Variants in PPP1R12A observed in about 807,000 individuals in gnomAD.
PPP1R12A encodes protein phosphatase 1 regulatory subunit 12A, also known as myosin binding subunit.
PPP1R12A carries 19 observed loss-of-function variants against 139.6 expected under a neutral mutation model. The ratio of observed to expected loss-of-function variants is 0.14; its 90% CI spans 0.09 to 0.20. The LOEUF (loss-of-function observed/expected upper bound fraction) is 0.20. Ranked by LOEUF, PPP1R12A falls within the 10% of genes least tolerant of loss-of-function variation. The pLI is 1.00. For missense variants in PPP1R12A, 925 were observed against 1,211.5 expected, an observed-to-expected ratio of 0.76 and a Z score of 3.51; for synonymous variants, 427 against 420.6, an observed-to-expected ratio of 1.02 and a Z score of -0.19.
chr12:79,844,909 A>C (rs1381386916), intron 3 of PPP1R12A, among the ~76,000 whole-genome samples: 3 of 152,140 alleles, frequency 2.0e-5, no homozygotes, highest in Non-Finnish European at 2.9e-5. Flanking sequence ...CCAGATCATC[A>C]TGACTCATTC....
intron 1 of PPP1R12A, among the ~76,000 whole-genome samples, chr12:79,909,649 C>T (rs11114268): frequency 6.6e-6 from 1 of 150,708 alleles, no homozygotes; most frequent in East Asian, 1.9e-4. Context: ...GCAGGAGAAT[C>T]GTTGAACCCG....
chr12:79,908,044 C>T (rs1270705804), intron 1 of PPP1R12A, among the ~76,000 whole-genome samples: 5 of 152,160 alleles, frequency 3.3e-5, no homozygotes, highest in Non-Finnish European at 1.5e-5. Flanking sequence ...TTGCTACATA[C>T]ACTAAATTTC....
intron 23 of PPP1R12A, chr12:79,779,217 T>C: frequency 1.1e-6 from 1 of 881,766 alleles, no homozygotes; most frequent in Non-Finnish European, 1.6e-6. Flanking sequence ...AACACATTAT[T>C]GCAGTGTACT....
chr12:79,905,768 C>G (rs1361702630), intron 1 of PPP1R12A, among the ~76,000 whole-genome samples: 1 of 152,110 alleles, frequency 6.6e-6, no homozygotes, highest in African/African-American at 2.4e-5. Flanking sequence ...AATTGTGGAA[C>G]AAACTAACAT....
intron 1 of PPP1R12A, among the ~76,000 whole-genome samples, chr12:79,912,706 A>G (rs182148614): frequency 3.5e-4 from 53 of 152,046 alleles, no homozygotes; most frequent in African/African-American, 1.2e-3. Flanking sequence ...AAAAAAAAAA[A>G]AAGAAGAAAT....
chr12:79,790,518 T>C lies in PPP1R12A; in HGVS notation c.2650-35A>G, dbSNP rs909371303. 6 of 1,346,040 alleles carry C rather than the reference T, an allele frequency of 4.5e-6. No individual in the cohort carries two copies. In the African/African-American group the frequency reaches 8.9e-5, roughly 20 times the overall value. 83.4% of individuals were successfully genotyped at this position (1,346,040 alleles called of 1,614,324 possible). On this transcript the variant is annotated intron_variant, in intron 19 of 24. Transcript: ENST00000450142. ...AAGAGAAAAACATAGGCATACTAAATTTTTATGCTTTCATTAAACTATTAA... is the reference window on the plus strand; with the variant it reads ...AAGAGAAAAACATAGGCATACTAAACTTTTATGCTTTCATTAAACTATTAA...
At chr12:79,822,332 A>G (rs1374982100) in intron 5 of PPP1R12A, 142 bp from the exon 6 acceptor site, 1 of 578,080 alleles carries the variant, frequency 1.7e-6, no homozygotes, top group African/African-American at 1.9e-5. Flanking sequence ...CTGTAAAAAC[A>G]TACAACTCTA....
intron 10 of PPP1R12A, 83 bp downstream of exon 10, chr12:79,809,712 T>C (rs113173977): frequency 2.2e-5 from 23 of 1,063,634 alleles, no homozygotes; most frequent in African/African-American, 1.1e-4. Context: ...TAAAGATAAC[T>C]AGCAGAAAAT....
rs146012189 is a variant in PPP1R12A at position 79,903,779 on chromosome 12, T to C, written c.238-30841A>G. 3.0e-3 allele frequency among the ~76,000 whole-genome samples: 452 copies of C among 152,274 alleles called. 2 individuals carry two copies. The highest frequency in any genetic ancestry group is 0.01 in the African/African-American group (424 of 41,554). ...AATTATTTGAGAAAATAAAGGTAAA[T>C]ATAAATACAATCATGAACTCACAGC... On this transcript the variant is annotated intron_variant, in intron 1 of 24. Coordinates refer to ENST00000450142, the MANE Select transcript of PPP1R12A (RefSeq NM_002480.3).
intron 24 of PPP1R12A, chr12:79,777,234 T>A (rs1869845424): frequency 1.1e-6 from 1 of 941,488 alleles, no homozygotes; most frequent in African/African-American, 1.8e-5. Flanking sequence ...ATATTTTAAG[T>A]CCTAAAATAT....
intron 2 of PPP1R12A, among the ~76,000 whole-genome samples, chr12:79,869,249 G>A (rs1882307530): frequency 6.6e-6 from 1 of 152,198 alleles, no homozygotes; most frequent in Non-Finnish European, 1.5e-5. Flanking sequence ...CAGACCAAAT[G>A]TAAAATTGTT....
intron 1 of PPP1R12A, among the ~76,000 whole-genome samples, chr12:79,904,327 T>G (rs183221635): frequency 5.2e-4 from 79 of 152,212 alleles, no homozygotes; most frequent in African/African-American, 1.8e-3. Flanking sequence ...TCTAAATGAC[T>G]AAAGTCATTT....
intron 1 of PPP1R12A, among the ~76,000 whole-genome samples, chr12:79,928,084 T>G (rs1036159072): frequency 6.6e-6 from 1 of 152,238 alleles, no homozygotes; most frequent in Non-Finnish European, 1.5e-5. Flanking sequence ...AAAAATCATC[T>G]AATAAGATTT....
chr12:79,824,038 CT>C (rs1876469641), intron 5 of PPP1R12A: 1 of 152,146 alleles, frequency 6.6e-6, no homozygotes, highest in South Asian at 2.1e-4. Context: ...ACAATCTATC[CT>C]TTCCCACTCA....
intron 1 of PPP1R12A, among the ~76,000 whole-genome samples, chr12:79,888,092 T>C (rs1437869894): frequency 6.6e-6 from 1 of 152,128 alleles, no homozygotes; most frequent in African/African-American, 2.4e-5. Flanking sequence ...GAGTGTCTGC[T>C]ACAGCCAGAC....
In PPP1R12A at chr12:79,875,899, A is replaced by G. The variant is rs11114265; in HGVS notation, c.238-2961T>C. Among the ~76,000 whole-genome samples, 272 of 151,994 alleles carry G rather than the reference A, an allele frequency of 1.8e-3. 2 individuals carry two copies. The highest frequency in any genetic ancestry group is 4.2e-3 in the South Asian group (20 of 4,810). ...AAGTTCCTGTTTGTTCATATTTGGG[A>G]AAAAAAACTATTTTCTAGGACTGAA... is the stretch of plus-strand genomic sequence containing the variant. On this transcript the variant is annotated intron_variant, in intron 1 of 24. Transcript: ENST00000450142.
Position 79,934,876 on chromosome 12 carries a change from C to T in PPP1R12A, c.56G>A (p.Gly19Asp). Residue 19 changes from glycine to aspartate, a missense_variant, in exon 1 of 25, where the codon GGC (glycine) becomes GAC (aspartate). Coordinates refer to ENST00000450142, the MANE Select transcript of PPP1R12A (RefSeq NM_002480.3). ...KRNEQLKRWI[G>D]SETDLEPPVV... ...CGGAGGCTCGAGGTCCGTCTCGGAG[C>T]CGATCCAGCGTTTCAGCTGCTCGTT... is the stretch of plus-strand genomic sequence containing the variant. 1 of 1,610,992 alleles carries T rather than the reference C, an allele frequency of 6.2e-7. No individual in the cohort carries two copies. Among genetic ancestry groups the T allele is most frequent in the Non-Finnish European group, 8.5e-7 (1 of 1,178,730 alleles).
intron 1 of PPP1R12A, among the ~76,000 whole-genome samples, chr12:79,883,257 T>C (rs1883810773): frequency 6.7e-6 from 1 of 148,932 alleles, no homozygotes; most frequent in Admixed American, 6.6e-5. Context: ...TAAATTAAGG[T>C]ATGTACTACA....
At chr12:79,874,990 C>A (rs545477430) in intron 1 of PPP1R12A, among the ~76,000 whole-genome samples, 1 of 152,258 alleles carries the variant, frequency 6.6e-6, no homozygotes, top group South Asian at 2.1e-4. Context: ...GCAGATGTTT[C>A]TTCTTCAGGA....
Sources: allele counts gnomAD v4.1 joint callset (sites outside exome capture counted in the v4.1 genomes callset), GRCh38; gene constraint gnomAD v4.1.1; transcripts MANE v1.5; gene names NCBI Gene and HGNC (gene_info 2026-07-23, HGNC 2026-07-21).